The following ROS1 variants were observed in gnomAD, a reference collection of about 807,000 sequenced individuals.
ROS1 encodes ROS proto-oncogene 1, receptor tyrosine kinase.
ROS1 carries 263 observed loss-of-function variants against 273.5 expected under a neutral mutation model. That is an observed-to-expected ratio of 0.96 (90% CI 0.87 to 1.06). ROS1 has a LOEUF of 1.06. ROS1 is among the 50% of genes least tolerant of loss of function. The pLI is 0.00. For synonymous variants in ROS1, 1,008 were observed against 954.1 expected, an observed-to-expected ratio of 1.06 and a Z score of -1.04; for missense variants, 2,833 against 2,751.1, an observed-to-expected ratio of 1.03 and a Z score of -0.67.
At chr6:117,328,428 G>A in intron 33 of ROS1, 2 of 317,176 alleles carry the variant, frequency 6.3e-6, no homozygotes, top group Non-Finnish European at 1.2e-5. Context: ...AGTTCTGCAG[G>A]TTAGAATGTA....
chr6:117,389,310 C>A (rs1389754354), intron 13 of ROS1, 40 bp downstream of exon 13: 15 of 1,552,522 alleles, frequency 9.7e-6, no homozygotes, highest in African/African-American at 1.4e-5. Context: ...TCCTCTTATT[C>A]CAGCAAGGCC....
rs1342519172 is a variant in ROS1, at chr6:117,300,993, G to T, written c.6696C>A (p.Val2232=). 1.3e-6 allele frequency: 2 copies of T among 1,567,950 alleles called. No homozygotes were observed. Among genetic ancestry groups the T allele is most frequent in the South Asian group, 2.5e-5 (2 of 80,882 alleles). ...ACTTACCTTCAAAGCTTTCATTTAT[G>T]ACTCCACTGTTGTTTGCTTCATCTC... The part of the protein sequence containing the change: ...KSRDEANNSG[V]INESFEGEDG... The change falls in exon 43 of 44, where the codon GTC becomes GTA. Residue 2232 remains valine (V), a synonymous_variant. Coordinates refer to ENST00000368507, the MANE Select transcript of ROS1 (RefSeq NM_001378902.1).
At chr6:117,364,990 T>C in intron 21 of ROS1, 70 bp downstream of exon 21, 1 of 1,421,916 alleles carries the variant, frequency 7.0e-7, no homozygotes, top group South Asian at 1.2e-5. Flanking sequence ...AAATATCAAC[T>C]ATCCATTCCA....
intron 1 of ROS1, among the ~76,000 whole-genome samples, chr6:117,423,702 C>CTTTTTTTT (rs564177817): frequency 6.8e-6 from 1 of 147,268 alleles, no homozygotes; most frequent in African/African-American, 2.5e-5. Flanking sequence ...CTTGTGGTGA[C>CTTTTTTTT]TTTTTTTTTT....
intron 1 of ROS1, among the ~76,000 whole-genome samples, chr6:117,423,618 A>G (rs1775921548): frequency 6.6e-6 from 1 of 152,192 alleles, no homozygotes; most frequent in African/African-American, 2.4e-5. Context: ...GTAAAATACC[A>G]ATGCTCAAGC....
At chr6:117,376,935 A>G (rs191246147) in intron 18 of ROS1, among the ~76,000 whole-genome samples, 99 of 152,330 alleles carry the variant, frequency 6.5e-4, no homozygotes, top group African/African-American at 2.3e-3. Flanking sequence ...AAGTATAGCC[A>G]AAATAAAAAT....
intron 13 of ROS1, 112 bp downstream of exon 13, chr6:117,389,238 G>T: frequency 8.0e-7 from 1 of 1,251,658 alleles, no homozygotes; most frequent in East Asian, 2.3e-5. Flanking sequence ...GCTTCTGGTT[G>T]ATGACTGAAT....
Position 117,394,240 on chromosome 6 carries a change from A to C in ROS1, c.1113T>G (p.Phe371Leu), listed in dbSNP as rs1773308549. ...NMSDVSDLRI[F>L]YRGSGLISSI... ...AAGAAATTAATCCTGAACCTCTGTA[A>C]AAAATTCTCAGGTCAGATACATCAG... is the stretch of plus-strand genomic sequence containing the variant. Residue 371 changes from phenylalanine to leucine, a missense_variant, in exon 11 of 44, where the codon TTT becomes TTG. Physicochemically the swap from Phe to Leu is conservative, Grantham distance 22. Coordinates refer to ENST00000368507, the MANE Select transcript of ROS1 (RefSeq NM_001378902.1). 2.5e-6 allele frequency: 4 copies of C among 1,611,004 alleles called. No individual in the cohort carries two copies. Among genetic ancestry groups the C allele is most frequent in the Non-Finnish European group, 1.7e-6 (2 of 1,178,794 alleles).
intron 36 of ROS1, among the ~76,000 whole-genome samples, chr6:117,320,559 T>C (rs749839029): frequency 6.6e-6 from 1 of 152,178 alleles, no homozygotes; most frequent in African/African-American, 2.4e-5. Flanking sequence ...AATGCTGCTA[T>C]GTTAAAAATG....
Position 117,288,724 on chromosome 6 carries a change from C to T in ROS1, c.6794G>A (p.Gly2265Glu), listed in dbSNP as rs749542060. The T allele has an allele frequency of 6.2e-7, 1 of 1,614,016 alleles. No homozygotes were observed. Among genetic ancestry groups the T allele is most frequent in the South Asian group, 1.1e-5 (1 of 91,042 alleles). ...VALMETKNRE[G>E]LNYMVLATEC... is the part of the protein sequence containing the mutation. ...TGTAGCAAGTACCATATAGTTTAAC[C>T]CTTCTCGGTTCTTCGTTTCCATTAA... Residue 2265 changes from glycine (G) to glutamate (E), a missense_variant, in exon 44 of 44, where the codon GGG (glycine) becomes GAG (glutamate). Coordinates refer to ENST00000368507, the MANE Select transcript of ROS1 (RefSeq NM_001378902.1).
In ROS1 at chr6:117,404,313, A is replaced by G. The variant is rs770628464; in HGVS notation, c.432T>C (p.Tyr144=). 22 of 1,613,840 alleles carry G rather than the reference A, an allele frequency of 1.4e-5. No homozygotes were observed. In the East Asian group the frequency reaches 2.0e-4, roughly 15 times the overall value. ...AAGTCCAGCTTCCCAGAAGTTGTGC[A>G]TATTTCCACTGAATGATGTATTTTA... is the stretch of plus-strand genomic sequence containing the variant. The part of the protein sequence containing the change: ...SGVKYIIQWK[Y]AQLLGSWTYT... Residue 144 remains tyrosine (Y), a synonymous_variant, in exon 6 of 44, where the codon TAT becomes TAC. Coordinates refer to ENST00000368507, the MANE Select transcript of ROS1 (RefSeq NM_001378902.1).
chr6:117,347,392 T>C (rs2128630579), intron 27 of ROS1, among the ~76,000 whole-genome samples: 1 of 152,258 alleles, frequency 6.6e-6, no homozygotes, highest in South Asian at 2.1e-4. Flanking sequence ...AGGAAAGTGA[T>C]TGAGTTTAGT....
chr6:117,397,716 G>A (rs1325685782), intron 7 of ROS1, among the ~76,000 whole-genome samples: 1 of 152,276 alleles, frequency 6.6e-6, no homozygotes, highest in East Asian at 1.9e-4. Flanking sequence ...CCCTGCCCTG[G>A]CAAAGGATTA....
In ROS1 at chr6:117,324,374, TA is replaced by T; in HGVS notation, c.5580del (p.Ile1861Ter). 6.6e-7 allele frequency: 1 copy of T among 1,523,682 alleles called. No homozygotes were observed. Among genetic ancestry groups the T allele is most frequent in the Non-Finnish European group, 9.0e-7 (1 of 1,105,970 alleles). The allele number at this position is 1,523,682 out of a possible 1,614,324, so 94.4% of individuals were successfully genotyped here. A position where few individuals can be genotyped will look rare whatever the true frequency, so the allele number is the denominator to read the frequency against. Reference sequence around the variant, plus strand: ...GTAACAACCAGAAATATTCCAACTATAATAGTAAGTATGAAACTTGTTTCTG... The same window carrying T: ...GTAACAACCAGAAATATTCCAACTATATAGTAAGTATGAAACTTGTTTCTG... Reference protein sequence around the residue: ...WIPETSFILTIIVGIFLVVTI... With the variant: ...WIPETSFILTXIVGIFLVVTI... On this transcript the variant is annotated frameshift_variant, in exon 35 of 44. Transcript: ENST00000368507. LOFTEE classifies it high-confidence loss of function.
At chr6:117,350,338 G>A (rs1456030188) in intron 27 of ROS1, among the ~76,000 whole-genome samples, 1 of 151,968 alleles carries the variant, frequency 6.6e-6, no homozygotes, top group Non-Finnish European at 1.5e-5. Flanking sequence ...AGTTTCTGAG[G>A]AGAAGTTGGA....
Position 117,387,947 on chromosome 6 carries a change from G to A in ROS1, c.1832C>T (p.Thr611Ile), listed in dbSNP as rs764706003. The A allele has an allele frequency of 8.1e-6, 13 of 1,614,004 alleles. No homozygotes were observed. The highest frequency in any genetic ancestry group is 8.5e-6 in the Non-Finnish European group (10 of 1,180,008). Residue 611 changes from threonine (T) to isoleucine (I), a missense_variant, in exon 14 of 44, where the codon ACC becomes ATC. Physicochemically the swap from Thr to Ile is moderately conservative, Grantham distance 89 (BLOSUM62 -1). Transcript: ENST00000368507. ...QNWTYEVKVS[T>I]QDPPEVTHIF... ...ATGAGTGACTTCAGGAGGGTCTTGG[G>A]TGGATACTTTCACCTCATAGGTCCA...
chr6:117,308,475 ACT>A (rs199508385), intron 42 of ROS1, among the ~76,000 whole-genome samples: 8 of 151,422 alleles, frequency 5.3e-5, no homozygotes, highest in South Asian at 2.1e-4. Context: ...GTGTGTGTAT[ACT>A]CTCTCTCTCA....
At chr6:117,345,191 C>T (rs1778273000) in intron 27 of ROS1, among the ~76,000 whole-genome samples, 1 of 152,002 alleles carries the variant, frequency 6.6e-6, no homozygotes, top group Admixed American at 6.6e-5. Context: ...CCACAGTACA[C>T]TATCTACACA....
intron 1 of ROS1, among the ~76,000 whole-genome samples, chr6:117,420,345 C>T (rs1386212704): frequency 6.7e-6 from 1 of 149,676 alleles, no homozygotes. Flanking sequence ...TAACCTAATA[C>T]CCACTTCTTG....
Sources: allele counts gnomAD v4.1 joint callset (sites outside exome capture counted in the v4.1 genomes callset), GRCh38; gene constraint gnomAD v4.1.1; transcripts MANE v1.5; gene names NCBI Gene and HGNC (gene_info 2026-07-23, HGNC 2026-07-21).